Variants in ZNRF3 observed in about 807,000 individuals in gnomAD.
The protein encoded by ZNRF3 is zinc and ring finger 3.
A neutral mutation model predicts 72.5 loss-of-function variants in ZNRF3; 23 were observed. That is an observed-to-expected ratio of 0.32 (90% confidence interval 0.23 to 0.45). The LOEUF (loss-of-function observed/expected upper bound fraction) is 0.45. Among genes scored for constraint, ZNRF3 ranks in the 20% least tolerant of loss-of-function variants. The pLI is 1.00. For synonymous variants in ZNRF3, 610 were observed against 545.3 expected, an observed-to-expected ratio of 1.12 and a Z score of -1.65; for missense variants, 1,169 against 1,272.1, an observed-to-expected ratio of 0.92 and a Z score of 1.23.
At chr22:29,052,254 TC>T (rs1401760639) in intron 8 of ZNRF3, among the ~76,000 whole-genome samples, 7 of 152,222 alleles carry the variant, frequency 4.6e-5, no homozygotes, top group Non-Finnish European at 8.8e-5. Flanking sequence ...TTTCCTCTCT[TC>T]GGGACAGAGG....
At chr22:29,011,796 C>T (rs938706040) in intron 2 of ZNRF3, among the ~76,000 whole-genome samples, 1 of 152,252 alleles carries the variant, frequency 6.6e-6, no homozygotes, top group African/African-American at 2.4e-5. Context: ...GGGAATGGCA[C>T]TTTGGCAAAT....
intron 1 of ZNRF3, chr22:28,917,432 G>A (rs1022564765): frequency 1.0e-6 from 1 of 985,296 alleles, no homozygotes; most frequent in African/African-American, 1.7e-5. Flanking sequence ...GGAGTGTCCT[G>A]TGTGGTGTCC....
rs73882435 is a variant in ZNRF3 at position 29,030,778 on chromosome 22, C to T, written c.427-11717C>T. Among the ~76,000 whole-genome samples, 3 of 126,392 alleles carry T rather than the reference C, an allele frequency of 2.4e-5. No homozygotes were observed. The South Asian group carries it at 8.4e-4, about 35-fold the overall frequency. The allele number at this position is 126,392 out of a possible 152,430, so 82.9% of individuals were successfully genotyped here. On this transcript the variant is annotated intron_variant, in intron 2 of 8. Transcript: ENST00000544604. The surrounding 1 kb of genome is among the most constrained non-coding windows in gnomAD (Gnocchi z 4.2). Reference sequence around the variant, plus strand: ...AGGGACCCTGCAGGGCGGTACACGACGGGTGGGAGTGGGGAGGAGGAGGGC... The same window carrying T: ...AGGGACCCTGCAGGGCGGTACACGATGGGTGGGAGTGGGGAGGAGGAGGGC...
At chr22:28,935,885 G>T (rs1442776975) in intron 1 of ZNRF3, among the ~76,000 whole-genome samples, 1 of 152,162 alleles carries the variant, frequency 6.6e-6, no homozygotes, top group Non-Finnish European at 1.5e-5. Context: ...GAGGTGAGTA[G>T]ATGATGCATT....
rs1394934952 is a variant in ZNRF3 at position 29,050,451 on chromosome 22, G to A, written c.2270G>A (p.Gly757Asp). 1.2e-6 allele frequency: 2 copies of A among 1,611,828 alleles called. No individual in the cohort carries two copies. The highest frequency in any genetic ancestry group is 1.7e-5 in the Admixed American group (1 of 59,996). Reference sequence around the variant, plus strand: ...GAGCCCCAGTCAGGAAGCTCCCAGGGCTTGTACGGCCTTCACCCCGACCAT... The same window carrying A: ...GAGCCCCAGTCAGGAAGCTCCCAGGACTTGTACGGCCTTCACCCCGACCAT... ...GGEPQSGSSQ[G>D]LYGLHPDHLP... Residue 757 changes from glycine to aspartate, a missense_variant, in exon 8 of 9, where the codon GGC becomes GAC. Gly to Asp is a moderately conservative substitution (Grantham distance 94). This residue lies in a region of ZNRF3 where 783 missense variants were observed against 731.4 expected (regional missense o/e 1.07). Coordinates refer to ENST00000544604, the MANE Select transcript of ZNRF3 (RefSeq NM_001206998.2).
intron 1 of ZNRF3, among the ~76,000 whole-genome samples, chr22:28,941,067 G>A (rs1391228887): frequency 6.6e-6 from 1 of 152,006 alleles, no homozygotes; most frequent in African/African-American, 2.4e-5. Flanking sequence ...AAGTACCTAT[G>A]TCTCTCCTCA....
chr22:29,002,338 G>A (rs1025088224), intron 2 of ZNRF3, among the ~76,000 whole-genome samples: 4 of 152,166 alleles, frequency 2.6e-5, no homozygotes, highest in Non-Finnish European at 5.9e-5. Context: ...CTTAGGGAGG[G>A]CCTGATTTCT....
chr22:28,988,923 A>G (rs1271381296), intron 2 of ZNRF3, among the ~76,000 whole-genome samples: 4 of 152,130 alleles, frequency 2.6e-5, no homozygotes, highest in Non-Finnish European at 5.9e-5. Context: ...CGGTGGGGAA[A>G]CTTGCTGAAG....
At chr22:29,039,596 A>G (rs1439723699) in intron 2 of ZNRF3, among the ~76,000 whole-genome samples, 2 of 151,982 alleles carry the variant, frequency 1.3e-5, no homozygotes, top group Non-Finnish European at 2.9e-5. Flanking sequence ...TTACAATTAT[A>G]TTAACTCTGG....
At chr22:28,947,103 G>A (rs1039868809) in intron 1 of ZNRF3, among the ~76,000 whole-genome samples, 11 of 152,158 alleles carry the variant, frequency 7.2e-5, no homozygotes, top group Non-Finnish European at 1.3e-4. Context: ...TCTTAAGTTG[G>A]TTTAGTCTTT....
chr22:29,029,137 G>A (rs1189642816), intron 2 of ZNRF3, among the ~76,000 whole-genome samples: 1 of 152,340 alleles, frequency 6.6e-6, no homozygotes, highest in African/African-American at 2.4e-5. Flanking sequence ...GGGGTCAGCT[G>A]TCTCCACACT....
intron 2 of ZNRF3, chr22:29,018,035 G>A (rs1366535311): frequency 1.9e-6 from 1 of 519,042 alleles, no homozygotes; most frequent in Admixed American, 1.9e-5. Flanking sequence ...TGGGGGAACT[G>A]TGTGGGTGGA....
chr22:28,954,671 C>G (rs2035224015), intron 1 of ZNRF3, among the ~76,000 whole-genome samples: 1 of 152,040 alleles, frequency 6.6e-6, no homozygotes, highest in African/African-American at 2.4e-5. Context: ...CTCTGTTGAC[C>G]AGGCTGGAGT....
chr22:28,967,918 C>T (rs2035502069), intron 1 of ZNRF3, among the ~76,000 whole-genome samples: 2 of 144,510 alleles, frequency 1.4e-5, no homozygotes, highest in African/African-American at 2.6e-5. Context: ...AGAGTGACAC[C>T]GTGTCTCAAA....
intron 2 of ZNRF3, among the ~76,000 whole-genome samples, chr22:29,000,745 G>A (rs984517210): frequency 1.3e-5 from 2 of 152,190 alleles, no homozygotes. Flanking sequence ...GAGGGCCTCA[G>A]GAAGCTTACA....
intron 2 of ZNRF3, among the ~76,000 whole-genome samples, chr22:28,988,352 G>A (rs1448759386): frequency 6.6e-6 from 1 of 152,176 alleles, no homozygotes; most frequent in Non-Finnish European, 1.5e-5. Flanking sequence ...GAAGCAGGGT[G>A]CTAGAGAGGG....
chr22:28,906,743 C>T (rs912181371), intron 1 of ZNRF3, among the ~76,000 whole-genome samples: 2 of 152,162 alleles, frequency 1.3e-5, no homozygotes, highest in Non-Finnish European at 2.9e-5. Context: ...GAGAGACGTG[C>T]TGGTGCTGAG....
At chr22:29,005,965 C>T (rs1283784103) in intron 2 of ZNRF3, among the ~76,000 whole-genome samples, 1 of 151,304 alleles carries the variant, frequency 6.6e-6, no homozygotes, top group African/African-American at 2.4e-5. Context: ...ACCCTGGAGG[C>T]AGAGGTTGCA....
At position 29,057,451 on chromosome 22, in the gene ZNRF3, CTG is replaced by C. The variant is rs2037319349; in HGVS notation, c.*3831_*3832del. 1 of 106,982 alleles carries C rather than the reference CTG, an allele frequency of 9.3e-6. No individual in the cohort carries two copies. The highest frequency in any genetic ancestry group is 3.5e-5 in the African/African-American group (1 of 28,182). The allele number at this position is 106,982 out of a possible 1,614,324, so 6.6% of individuals were successfully genotyped here. A position where few individuals can be genotyped will look rare whatever the true frequency, so the allele number is the denominator to read the frequency against. ...GTTTTGTAACAAATTGTACACATGA[CTG>C]TAAAAAAAAAATACAATTTTATCAA... On this transcript the variant is annotated 3_prime_UTR_variant, in exon 9 of 9. Transcript: ENST00000544604.
Sources: gnomAD v4.1 joint callset for allele counts (sites outside exome capture counted in the v4.1 genomes callset) on GRCh38, gnomAD v4.1.1 for gene constraint, gnomAD v4.1.1 regional missense constraint, Gnocchi (gnomAD v3.1) non-coding constraint, MANE v1.5 for transcripts, NCBI Gene and HGNC (gene_info 2026-07-23, HGNC 2026-07-21) for gene names.